Variants in BBIP1 observed in about 807,000 individuals in gnomAD.
BBIP1 encodes BBSome interacting protein 1.
BBIP1 carries 6 observed loss-of-function variants against 8.9 expected under a neutral mutation model. The ratio of observed to expected loss-of-function variants is 0.67; its 90% CI spans 0.37 to 1.33. The LOEUF (loss-of-function observed/expected upper bound fraction) is 1.33. BBIP1 is among the 40% of genes most tolerant of loss of function. BBIP1 has a pLI of 0.02. For missense variants in BBIP1, 111 were observed against 109.2 expected (o/e 1.02, Z -0.07); for synonymous variants, 32 against 33.4 (o/e 0.96, Z 0.14).
chr10:110,914,240 T>C (rs1846342458), intron 2 of BBIP1, among the ~76,000 whole-genome samples: 2 of 152,158 alleles, frequency 1.3e-5, no homozygotes, highest in Admixed American at 6.5e-5. Context: ...CCATGGACTG[T>C]AAAGGATACT....
intron 2 of BBIP1, chr10:110,902,153 T>C (rs530745717): frequency 1.9e-5 from 3 of 155,180 alleles, no homozygotes; most frequent in East Asian, 3.8e-4. Context: ...ACAGCTGCAA[T>C]TGGTAACGAA....
intron 2 of BBIP1, chr10:110,902,757 C>T (rs186449355): frequency 6.6e-6 from 1 of 152,182 alleles, no homozygotes; most frequent in African/African-American, 2.4e-5. Context: ...CTATACTGCT[C>T]TAGCAGGGAG....
intron 2 of BBIP1, among the ~76,000 whole-genome samples, chr10:110,909,884 A>AT (rs1280933643): frequency 6.6e-6 from 1 of 152,224 alleles, no homozygotes; most frequent in African/African-American, 2.4e-5. Flanking sequence ...ATACGAACAG[A>AT]TTTTTTCTTT....
At chr10:110,916,771 G>T (rs1846413588) in intron 2 of BBIP1, among the ~76,000 whole-genome samples, 1 of 152,154 alleles carries the variant, frequency 6.6e-6, no homozygotes. Context: ...TCAGCTCCAA[G>T]AATAGGCAAA....
intron 2 of BBIP1, chr10:110,902,891 G>A (rs1007211630): frequency 2.0e-5 from 3 of 150,652 alleles, no homozygotes; most frequent in Non-Finnish European, 2.9e-5. Flanking sequence ...TTTCTTTTTA[G>A]GCCTGCCAGT....
chr10:110,901,428 C>G (rs1043507591), intron 3 of BBIP1, 110 bp downstream of exon 3: 9 of 740,184 alleles, frequency 1.2e-5, no homozygotes, highest in Non-Finnish European at 2.1e-5. Context: ...TGAGATAATA[C>G]GGAACACAAT....
rs1054121612 is a variant in BBIP1, at chr10:110,898,972, CTTAA to C, written c.*1384_*1387del. On this transcript the variant is annotated 3_prime_UTR_variant, in exon 4 of 4. Coordinates refer to ENST00000448814, the MANE Select transcript of BBIP1 (RefSeq NM_001195305.3). The stretch of plus-strand genomic sequence containing the variant: ...TACTCCATTGTTATCTGACCTAGAG[CTTAA>C]TTAAGTTTTAGAAATATGTAATACC... 5 of 151,392 alleles carry C rather than the reference CTTAA, an allele frequency of 3.3e-5. No individual in the cohort carries two copies. Among genetic ancestry groups the C allele is most frequent in the African/African-American group, 4.9e-5 (2 of 41,086 alleles). 9.4% of individuals were successfully genotyped at this position (151,392 alleles called of 1,614,324 possible). A position where few individuals can be genotyped will look rare whatever the true frequency, so the allele number is the denominator to read the frequency against.
intron 2 of BBIP1, among the ~76,000 whole-genome samples, chr10:110,917,274 A>G (rs1846431911): frequency 7.0e-6 from 1 of 143,160 alleles, no homozygotes; most frequent in East Asian, 2.0e-4. Context: ...TAGGAAAATT[A>G]GCACTTGGCC....
In BBIP1 at chr10:110,900,112, T is replaced by G. The variant is rs1211634348; in HGVS notation, c.*248A>C. The G allele has an allele frequency of 5.5e-6, 2 of 362,078 alleles. No homozygotes were observed. Among genetic ancestry groups the G allele is most frequent in the Non-Finnish European group, 9.8e-6 (2 of 204,064 alleles). The allele number at this position is 362,078 out of a possible 1,614,324, so 22.4% of individuals were successfully genotyped here. A position where few individuals can be genotyped will look rare whatever the true frequency, so the allele number is the denominator to read the frequency against. Reference sequence around the variant, plus strand: ...GGAATGGTGAACAAATAATTTAATTTGCAATTCTAAAAACATGACTTAAAC... The same window carrying G: ...GGAATGGTGAACAAATAATTTAATTGGCAATTCTAAAAACATGACTTAAAC... On this transcript the variant is annotated 3_prime_UTR_variant, in exon 4 of 4. Transcript: ENST00000448814.
At chr10:110,905,012 TAC>T (rs1846095473) in intron 2 of BBIP1, 1 of 152,242 alleles carries the variant, frequency 6.6e-6, no homozygotes, top group Admixed American at 6.5e-5. Context: ...TTCCTTTTCT[TAC>T]ACAGATTCTA....
At chr10:110,908,801 A>AAAAAAGAGTTACG (rs1160505198) in intron 2 of BBIP1, among the ~76,000 whole-genome samples, 1 of 152,324 alleles carries the variant, frequency 6.6e-6, no homozygotes, top group Admixed American at 6.5e-5. Flanking sequence ...TTAAAAAAAA[A>AAAAAAGAGTTACG]AAAAAAGAGT....
chr10:110,901,654 A>G, intron 2 of BBIP1, 42 bp from the exon 3 acceptor site: 2 of 1,392,376 alleles, frequency 1.4e-6, no homozygotes. Context: ...ACATTCCCAA[A>G]GCAGACTGCC....
intron 3 of BBIP1, 23 bp from the exon 4 acceptor site, chr10:110,900,549 A>AT (rs1187898351): frequency 2.1e-5 from 31 of 1,500,154 alleles, no homozygotes; most frequent in Non-Finnish European, 2.7e-5. Flanking sequence ...AGAAATAAGA[A>AT]TTAATTCAAG....
At chr10:110,911,426 TTAAGAA>T (rs1209204796) in intron 2 of BBIP1, 2 of 152,106 alleles carry the variant, frequency 1.3e-5, no homozygotes, top group African/African-American at 2.4e-5. Context: ...TTTAGTTTGC[TTAAGAA>T]TAACAATAGC....
chr10:110,900,513 C>CACAA lies in BBIP1; in HGVS notation c.122_125dup (p.Glu43CysfsTer11). 1 of 1,527,794 alleles carries CACAA rather than the reference C, an allele frequency of 6.5e-7. No homozygotes were observed. The highest frequency in any genetic ancestry group is 8.7e-7 in the Non-Finnish European group (1 of 1,143,312). 94.6% of individuals were successfully genotyped at this position (1,527,794 alleles called of 1,614,324 possible). A position where few individuals can be genotyped will look rare whatever the true frequency, so the allele number is the denominator to read the frequency against. Reference sequence around the variant, plus strand: ...ACAGCACCATTGTCATTATATCTTCCACAAACAGTGGCCCTAAGTTTAACA... The same window carrying CACAA: ...ACAGCACCATTGTCATTATATCTTCCACAAACAAACAGTGGCCCTAAGTTTAACA... On this transcript the variant is annotated frameshift_variant, in exon 4 of 4. Transcript: ENST00000448814. LOFTEE classifies it high-confidence loss of function.
At chr10:110,909,417 A>G (rs1339263093) in intron 2 of BBIP1, among the ~76,000 whole-genome samples, 1 of 152,074 alleles carries the variant, frequency 6.6e-6, no homozygotes, top group African/African-American at 2.4e-5. Context: ...GATGGTCTCG[A>G]TCTCCTGACC....
intron 2 of BBIP1, chr10:110,904,251 G>T (rs954498807): frequency 3.9e-5 from 6 of 152,076 alleles, no homozygotes; most frequent in Admixed American, 2.0e-4. Flanking sequence ...AAATATGTGA[G>T]TTTTTTTATC....
intron 2 of BBIP1, chr10:110,902,445 C>G (rs941602110): frequency 6.6e-6 from 1 of 152,210 alleles, no homozygotes; most frequent in Non-Finnish European, 1.5e-5. Flanking sequence ...CTCAGTGATT[C>G]ACCTTGCTGA....
intron 2 of BBIP1, among the ~76,000 whole-genome samples, chr10:110,909,204 CTT>C (rs1201996103): frequency 1.3e-5 from 1 of 75,590 alleles, no homozygotes; most frequent in African/African-American, 2.9e-5. Flanking sequence ...AAAAGTTGGC[CTT>C]TTTTTTTTTT....
Sources: allele counts gnomAD v4.1 joint callset (sites outside exome capture counted in the v4.1 genomes callset), GRCh38; gene constraint gnomAD v4.1.1; transcripts MANE v1.5; gene names NCBI Gene and HGNC (gene_info 2026-07-23, HGNC 2026-07-21).